The following RUBCN variants were observed in gnomAD, a reference collection of about 807,000 sequenced individuals.
RUBCN encodes the protein rubicon autophagy regulator, also known as run domain Beclin-1-interacting and cysteine-rich domain-containing protein.
In RUBCN, 74 loss-of-function variants were observed where a neutral mutation model predicts 113.2. The observed-to-expected ratio is 0.65, with a 90% CI of 0.54 to 0.79. The LOEUF is 0.79. Ranked by LOEUF, RUBCN falls within the 30% of genes least tolerant of loss-of-function variation. RUBCN has a pLI of 0.00. For synonymous variants in RUBCN, 480 were observed against 490.0 expected (o/e 0.98, Z 0.27); for missense variants, 1,109 against 1,251.7 (o/e 0.89, Z 1.72).
intron 1 of RUBCN, among the ~76,000 whole-genome samples, chr3:197,729,724 A>T (rs1727205512): frequency 6.6e-6 from 1 of 151,676 alleles, no homozygotes; most frequent in South Asian, 2.1e-4. Flanking sequence ...CATCTGGCTA[A>T]TTTTTTGTAT....
At chr3:197,727,514 G>T (rs531181638) in intron 1 of RUBCN, among the ~76,000 whole-genome samples, 1 of 152,176 alleles carries the variant, frequency 6.6e-6, no homozygotes. Flanking sequence ...GCCAAAAATT[G>T]TAAAGGATTG....
chr3:197,684,311 A>G (rs1721595400), intron 11 of RUBCN, 94 bp from the exon 12 acceptor site: 3 of 926,474 alleles, frequency 3.2e-6, no homozygotes, highest in East Asian at 4.8e-5. Context: ...CTAAGCTCTC[A>G]GGGTAACAGC....
intron 2 of RUBCN, among the ~76,000 whole-genome samples, chr3:197,715,007 C>T (rs1055813779): frequency 6.6e-6 from 1 of 151,998 alleles, no homozygotes; most frequent in Admixed American, 6.6e-5. Flanking sequence ...AAAAGAAACT[C>T]GGCTAGGCGC....
chr3:197,695,791 G>C, intron 9 of RUBCN, 75 bp downstream of exon 9: 1 of 1,338,006 alleles, frequency 7.5e-7, no homozygotes, highest in South Asian at 1.2e-5. Flanking sequence ...AACCTCATCA[G>C]AACAAATGGC....
intron 2 of RUBCN, 134 bp downstream of exon 2, chr3:197,717,843 T>TA (rs1725716790): frequency 1.1e-6 from 1 of 921,568 alleles, no homozygotes; most frequent in Non-Finnish European, 1.7e-6. Flanking sequence ...TTCTGTATAT[T>TA]AAAAAAATGA....
At chr3:197,713,876 C>T (rs1725225862) in intron 2 of RUBCN, among the ~76,000 whole-genome samples, 1 of 151,960 alleles carries the variant, frequency 6.6e-6, no homozygotes, top group Admixed American at 6.6e-5. Context: ...AGTTCAAGAC[C>T]ATCCTGGCTA....
rs1560410106 is a variant in RUBCN, at chr3:197,683,280, G to A, written c.1980+27C>T. 1.2e-6 allele frequency: 2 copies of A among 1,614,034 alleles called. No individual in the cohort carries two copies. Among genetic ancestry groups the A allele is most frequent in the East Asian group, 2.2e-5 (1 of 44,888 alleles). ...GTCACAGAGGCTCACGATGGCCCCT[G>A]GGTAGGAAGAAGAGCTAAGGACCTA... is the stretch of plus-strand genomic sequence containing the variant. On this transcript the variant is annotated intron_variant, in intron 13 of 19. Transcript: ENST00000296343. The surrounding 1 kb of genome is among the most constrained non-coding windows in gnomAD (Gnocchi z 4.6).
chr3:197,737,083 A>G (rs1728239926), upstream of RUBCN: 1 of 402,588 alleles, frequency 2.5e-6, no homozygotes, highest in Non-Finnish European at 3.8e-6. Context: ...GCGCCCTCCA[A>G]TCCCAGGCCG....
chr3:197,693,053 T>C (rs1453203675), intron 11 of RUBCN, among the ~76,000 whole-genome samples: 1 of 151,930 alleles, frequency 6.6e-6, no homozygotes, highest in Non-Finnish European at 1.5e-5. Context: ...AACTGTTTTT[T>C]TGTTTGTGTG....
intron 1 of RUBCN, among the ~76,000 whole-genome samples, chr3:197,729,175 G>GGT (rs1409368229): frequency 2.6e-5 from 4 of 151,688 alleles, no homozygotes; most frequent in Non-Finnish European, 4.4e-5. Context: ...TCAATACCAG[G>GGT]GTGAGGAGTT....
chr3:197,687,602 A>C (rs1164620986), intron 11 of RUBCN, among the ~76,000 whole-genome samples: 1 of 152,222 alleles, frequency 6.6e-6, no homozygotes, highest in Non-Finnish European at 1.5e-5. Flanking sequence ...CGGGGGAAGC[A>C]CACCTTGGGC....
rs1338084622 is a variant in RUBCN at position 197,673,180 on chromosome 3, T to G, written c.*1838A>C. On this transcript the variant is annotated 3_prime_UTR_variant, in exon 20 of 20. Coordinates refer to ENST00000296343, the MANE Select transcript of RUBCN (RefSeq NM_014687.4). ...GGACTTGGCTTTTTGAGTCTCACTATGAACAGAAGGGAGAACAGCCTCAGG... is the reference window on the plus strand; with the variant it reads ...GGACTTGGCTTTTTGAGTCTCACTAGGAACAGAAGGGAGAACAGCCTCAGG... 2.0e-5 allele frequency: 3 copies of G among 152,254 alleles called. No individual in the cohort carries two copies. The highest frequency in any genetic ancestry group is 7.2e-5 in the African/African-American group (3 of 41,464). The allele number at this position is 152,254 out of a possible 1,614,324, so 9.4% of individuals were successfully genotyped here.
chr3:197,704,813 G>T, intron 3 of RUBCN, 112 bp from the exon 4 acceptor site: 1 of 1,200,176 alleles, frequency 8.3e-7, no homozygotes. Context: ...GCTTTGAAAG[G>T]CTTCACCCTG....
At chr3:197,730,990 TTTTTTG>T (rs984585040) in intron 1 of RUBCN, among the ~76,000 whole-genome samples, 83 of 148,544 alleles carry the variant, frequency 5.6e-4, no homozygotes, top group African/African-American at 1.4e-3. Flanking sequence ...TAACTAGAGG[TTTTTTG>T]TTTTTGTTTT....
intron 7 of RUBCN, among the ~76,000 whole-genome samples, chr3:197,698,850 A>T (rs1430627222): frequency 6.7e-6 from 1 of 148,874 alleles, no homozygotes; most frequent in East Asian, 2.0e-4. Flanking sequence ...AAAAAAAAAA[A>T]GTAAAAAAAA....
intron 1 of RUBCN, among the ~76,000 whole-genome samples, chr3:197,728,229 C>T (rs1385733211): frequency 6.6e-6 from 1 of 152,220 alleles, no homozygotes; most frequent in East Asian, 1.9e-4. Flanking sequence ...TGTGAGAACC[C>T]TTCAAAAAAC....
At chr3:197,744,174 CAAAT>C (rs932779035) in intron 1 of RUBCN, among the ~76,000 whole-genome samples, 7 of 151,722 alleles carry the variant, frequency 4.6e-5, no homozygotes, top group Admixed American at 3.3e-4. Flanking sequence ...AAGAAACAGA[CAAAT>C]GAATTACAAG....
At chr3:197,720,308 C>A (rs1726003895) in intron 1 of RUBCN, among the ~76,000 whole-genome samples, 1 of 152,172 alleles carries the variant, frequency 6.6e-6, no homozygotes, top group South Asian at 2.1e-4. Flanking sequence ...AAGGTAACAT[C>A]CTCCAGGTTC....
chr3:197,740,643 CAG>C (rs1421556288), upstream of RUBCN, among the ~76,000 whole-genome samples: 2 of 150,502 alleles, frequency 1.3e-5, no homozygotes, highest in African/African-American at 4.9e-5. Flanking sequence ...TTTTTTGAGA[CAG>C]AGTCTTGCTG....
Sources: gnomAD v4.1 joint callset for allele counts (sites outside exome capture counted in the v4.1 genomes callset) on GRCh38, gnomAD v4.1.1 for gene constraint, Gnocchi (gnomAD v3.1) non-coding constraint, MANE v1.5 for transcripts, NCBI Gene and HGNC (gene_info 2026-07-23, HGNC 2026-07-21) for gene names.